KIF21A: variants seen among roughly 807,000 people sequenced by gnomAD.
KIF21A encodes kinesin-like protein KIF21A.
Under a neutral mutation model 202.9 loss-of-function variants are expected in KIF21A, and 114 were observed. The observed-to-expected ratio is 0.56, with a 90% CI of 0.48 to 0.66. The LOEUF is 0.66. Ranked by LOEUF, KIF21A falls within the 30% of genes least tolerant of loss-of-function variation. The probability of loss-of-function intolerance (pLI) is 0.00; values close to 1 mark genes in which losing one functional copy is unlikely to be tolerated. For missense variants in KIF21A, 1,677 were observed against 1,994.9 expected, an observed-to-expected ratio of 0.84 and a Z score of 3.04; for synonymous variants, 667 against 670.8, an observed-to-expected ratio of 0.99 and a Z score of 0.09.
intron 1 of KIF21A, among the ~76,000 whole-genome samples, chr12:39,410,493 C>G (rs1451552002): frequency 6.6e-6 from 1 of 152,130 alleles, no homozygotes; most frequent in Non-Finnish European, 1.5e-5. Context: ...ATAATGTTAA[C>G]TCACTATTCT....
At chr12:39,352,701 G>A (rs1353933030) in intron 10 of KIF21A, among the ~76,000 whole-genome samples, 3 of 152,120 alleles carry the variant, frequency 2.0e-5, no homozygotes, top group Admixed American at 6.6e-5. Flanking sequence ...ACTGGCTGAC[G>A]GACATCTGGC....
At chr12:39,344,826 T>C (rs149382631) in intron 12 of KIF21A, among the ~76,000 whole-genome samples, 165 of 152,324 alleles carry the variant, frequency 1.1e-3, no homozygotes, top group African/African-American at 3.8e-3. Context: ...CAATGGAAGA[T>C]ATTTAAATTT....
chr12:39,443,081 C>A lies in KIF21A; in HGVS notation c.-111G>T. On this transcript the variant is annotated 5_prime_UTR_variant, in exon 1 of 38. Coordinates refer to ENST00000361418, the MANE Select transcript of KIF21A (RefSeq NM_001173464.2). Reference sequence around the variant, plus strand: ...GGCTGGGGCGTCTGCGGGCGGGCGGCCGGCTCACCTCCGCCGCGCTCCAGC... The same window carrying A: ...GGCTGGGGCGTCTGCGGGCGGGCGGACGGCTCACCTCCGCCGCGCTCCAGC... 9.0e-7 allele frequency: 1 copy of A among 1,108,876 alleles called. No homozygotes were observed. The highest frequency in any genetic ancestry group is 1.2e-6 in the Non-Finnish European group (1 of 830,866). The allele number at this position is 1,108,876 out of a possible 1,614,324, so 68.7% of individuals were successfully genotyped here.
chr12:39,428,906 C>T (rs962573277), intron 1 of KIF21A, among the ~76,000 whole-genome samples: 3 of 148,130 alleles, frequency 2.0e-5, no homozygotes, highest in African/African-American at 7.5e-5. Context: ...TGCAGTGAGC[C>T]GGGATGTTGT....
intron 1 of KIF21A, among the ~76,000 whole-genome samples, chr12:39,407,240 C>A (rs1952666637): frequency 6.6e-6 from 1 of 152,156 alleles, no homozygotes; most frequent in Admixed American, 6.5e-5. Flanking sequence ...CAAAACAGTA[C>A]TACTACATAA....
chr12:39,322,985 G>T, intron 26 of KIF21A, 103 bp from the exon 27 acceptor site: 1 of 871,064 alleles, frequency 1.1e-6, no homozygotes, highest in Non-Finnish European at 1.8e-6. Flanking sequence ...AAAACATTTA[G>T]CGTGTCTTTT....
At chr12:39,297,099 T>A (rs1325443515) in intron 37 of KIF21A, among the ~76,000 whole-genome samples, 2 of 152,102 alleles carry the variant, frequency 1.3e-5, no homozygotes, top group Non-Finnish European at 2.9e-5. Flanking sequence ...GGATTAGATA[T>A]GGAGTACAAA....
chr12:39,411,817 A>G (rs1953106968), intron 1 of KIF21A, among the ~76,000 whole-genome samples: 2 of 152,008 alleles, frequency 1.3e-5, no homozygotes, highest in Non-Finnish European at 2.9e-5. Context: ...GATTATAGGT[A>G]TGAGCCACTG....
At chr12:39,373,168 A>G (rs760515061) in intron 1 of KIF21A, among the ~76,000 whole-genome samples, 1 of 152,186 alleles carries the variant, frequency 6.6e-6, no homozygotes, top group Non-Finnish European at 1.5e-5. Context: ...CCTTCAGTGC[A>G]TCTCTAAATC....
intron 1 of KIF21A, among the ~76,000 whole-genome samples, chr12:39,371,507 T>C (rs924106337): frequency 5.3e-5 from 8 of 152,214 alleles, no homozygotes; most frequent in Non-Finnish European, 8.8e-5. Context: ...AGTCCTATTC[T>C]ATAGGCTCTA....
chr12:39,375,402 T>G (rs1243219961), intron 1 of KIF21A, among the ~76,000 whole-genome samples: 1 of 152,134 alleles, frequency 6.6e-6, no homozygotes, highest in South Asian at 2.1e-4. Context: ...ATGCCAAGAA[T>G]GCAAGACCCA....
At chr12:39,391,435 G>A (rs554963185) in intron 1 of KIF21A, among the ~76,000 whole-genome samples, 1 of 152,136 alleles carries the variant, frequency 6.6e-6, no homozygotes, top group East Asian at 1.9e-4. Flanking sequence ...ATACAGAGGA[G>A]GTTTAAGACA....
intron 1 of KIF21A, among the ~76,000 whole-genome samples, chr12:39,432,818 C>G (rs980898024): frequency 6.6e-6 from 1 of 152,060 alleles, no homozygotes; most frequent in East Asian, 1.9e-4. Flanking sequence ...ACCATGCTGG[C>G]CGGGCTGGTC....
At chr12:39,428,283 G>C (rs1367142360) in intron 1 of KIF21A, among the ~76,000 whole-genome samples, 1 of 152,180 alleles carries the variant, frequency 6.6e-6, no homozygotes, top group East Asian at 1.9e-4. Flanking sequence ...AAAGGTATTT[G>C]TTTTAACAAT....
chr12:39,394,087 C>T (rs996869019), intron 1 of KIF21A, among the ~76,000 whole-genome samples: 3 of 152,200 alleles, frequency 2.0e-5, no homozygotes, highest in African/African-American at 7.2e-5. Context: ...ATTAGTCCTC[C>T]TCATTTTGAA....
chr12:39,374,960 A>G (rs567786339), intron 1 of KIF21A, among the ~76,000 whole-genome samples: 23 of 152,222 alleles, frequency 1.5e-4, no homozygotes, highest in Non-Finnish European at 3.1e-4. Context: ...TTATTTCTTC[A>G]TTATTCCTAT....
At chr12:39,332,783 C>A (rs1163274548) in intron 19 of KIF21A, 39 bp from the exon 20 acceptor site, 1 of 1,610,342 alleles carries the variant, frequency 6.2e-7, no homozygotes. Flanking sequence ...ATTACTTATG[C>A]ACTTATTTGA....
In KIF21A at chr12:39,424,451, C is replaced by T. The variant is rs1954589749; in HGVS notation, c.44+18476G>A. 3.3e-5 allele frequency among the ~76,000 whole-genome samples: 5 copies of T among 152,176 alleles called. No homozygotes were observed. The South Asian group carries it at 1.0e-3, about 31-fold the overall frequency. On this transcript the variant is annotated intron_variant, in intron 1 of 37. Transcript: ENST00000361418. The stretch of plus-strand genomic sequence containing the variant: ...GCTGCAAACATCTAAATGCTGTTGA[C>T]TCTCAAAAGTTTATCTTCAGACCAG...
intron 33 of KIF21A, among the ~76,000 whole-genome samples, chr12:39,308,504 G>A (rs534491378): frequency 8.5e-5 from 13 of 152,138 alleles, no homozygotes; most frequent in Admixed American, 3.9e-4. Flanking sequence ...ACTCTTTTGT[G>A]TATAAGAATT....
Sources: allele counts gnomAD v4.1 joint callset (sites outside exome capture counted in the v4.1 genomes callset), GRCh38; gene constraint gnomAD v4.1.1; transcripts MANE v1.5; gene names NCBI Gene and HGNC (gene_info 2026-07-23, HGNC 2026-07-21).